Variants in ZNF730 observed in about 807,000 individuals in gnomAD.
ZNF730 encodes zinc finger protein 730, also known as putative zinc finger protein 730.
A neutral mutation model predicts 12.6 loss-of-function variants in ZNF730; 12 were observed. The ratio of observed to expected loss-of-function variants is 0.95; its 90% CI spans 0.61 to 1.54. The LOEUF (loss-of-function observed/expected upper bound fraction) is 1.54, where lower values mean the gene tolerates loss of function less well. Ranked by LOEUF, ZNF730 falls within the 40% of genes most tolerant of loss-of-function variation. The probability of loss-of-function intolerance (pLI) is 0.00; values close to 1 mark genes in which losing one functional copy is unlikely to be tolerated. For missense variants in ZNF730, 643 were observed against 583.5 expected, an observed-to-expected ratio of 1.10 and a Z score of -1.05; for synonymous variants, 194 against 195.8, an observed-to-expected ratio of 0.99 and a Z score of 0.08.
At chr19:23,104,024 T>G (rs764104224) in intron 1 of ZNF730, among the ~76,000 whole-genome samples, 1 of 151,938 alleles carries the variant, frequency 6.6e-6, no homozygotes, top group Non-Finnish European at 1.5e-5. Context: ...AAGGACAGGA[T>G]TCAGGGCCGG....
chr19:23,146,866 C>A lies in ZNF730; in HGVS notation c.*310C>A. On this transcript the variant is annotated 3_prime_UTR_variant, in exon 4 of 4. Transcript: ENST00000597761. ...TCCTTAATTCTTAACAGACATGATT[C>A]ATACCAGAGAGAAACTCTACAAACC... 1 of 679,744 alleles carries A rather than the reference C, an allele frequency of 1.5e-6. No individual in the cohort carries two copies. Among genetic ancestry groups the A allele is most frequent in the Non-Finnish European group, 2.6e-6 (1 of 387,580 alleles). The allele number at this position is 679,744 out of a possible 1,614,324, so 42.1% of individuals were successfully genotyped here.
rs1970443093 is a variant in ZNF730, at chr19:23,110,018, G to A, written c.-93-24062G>A. Among the ~76,000 whole-genome samples, 3 of 150,412 alleles carry A rather than the reference G, an allele frequency of 2.0e-5. No homozygotes were observed. The South Asian group carries it at 6.4e-4, about 32-fold the overall frequency. On this transcript the variant is annotated intron_variant, in intron 1 of 2. Coordinates refer to the ZNF730 transcript ENST00000593635. ...TTTCACTTTTGTTGCCCAGGCTAGG[G>A]TGCAGTGGTGTGATCTTGGCTCACA...
intron 1 of ZNF730, among the ~76,000 whole-genome samples, chr19:23,083,133 T>C (rs144599233): frequency 1.3e-5 from 2 of 152,190 alleles, no homozygotes; most frequent in African/African-American, 4.8e-5. Context: ...TTTAGATATA[T>C]AGGCAGTAGT....
intron 1 of ZNF730, among the ~76,000 whole-genome samples, chr19:23,099,450 T>C (rs1970303471): frequency 6.6e-6 from 1 of 152,138 alleles, no homozygotes; most frequent in Admixed American, 6.6e-5. Flanking sequence ...ACAGTAGAGA[T>C]TGTCATCTGC....
chr19:23,108,536 T>G (rs1471008139), intron 1 of ZNF730, among the ~76,000 whole-genome samples: 1 of 147,546 alleles, frequency 6.8e-6, no homozygotes, highest in African/African-American at 2.5e-5. Flanking sequence ...CTCAAATACT[T>G]TGCTAAACTG....
Position 23,146,517 on chromosome 19 carries a change from G to A in ZNF730, c.1473G>A (p.Arg491=), listed in dbSNP as rs1388001716. Residue 491 remains arginine, a synonymous_variant, in exon 4 of 4, where the codon CGG becomes CGA. Transcript: ENST00000597761. ...KCKECGKAFR[R]FSHLTRHKTI... is the part of the protein sequence containing the mutation. ...AAGAATGTGGTAAAGCCTTTAGGCG[G>A]TTCTCACACCTTACTAGGCATAAGA... 2 of 1,586,616 alleles carry A rather than the reference G, an allele frequency of 1.3e-6. No individual in the cohort carries two copies. Among genetic ancestry groups the A allele is most frequent in the Admixed American group, 1.8e-5 (1 of 55,686 alleles).
chr19:23,115,378 T>G (rs2145586134), upstream of ZNF730, among the ~76,000 whole-genome samples: 1 of 152,234 alleles, frequency 6.6e-6, no homozygotes, highest in Admixed American at 6.5e-5. Flanking sequence ...ATTGCAGAAA[T>G]TGCAGCAATT....
At chr19:23,139,648 C>G (rs192154731) in intron 3 of ZNF730, among the ~76,000 whole-genome samples, 1 of 152,238 alleles carries the variant, frequency 6.6e-6, no homozygotes, top group East Asian at 1.9e-4. Context: ...TCTCAGCCTC[C>G]CGAGTAACTG....
At chr19:23,135,715 G>A (rs1441052961) in intron 2 of ZNF730, among the ~76,000 whole-genome samples, 1 of 152,100 alleles carries the variant, frequency 6.6e-6, no homozygotes, top group African/African-American at 2.4e-5. Context: ...GTTTCACTAT[G>A]TTGGCCAGGC....
intron 1 of ZNF730, among the ~76,000 whole-genome samples, chr19:23,089,781 G>GA (rs1475094995): frequency 2.6e-5 from 4 of 151,912 alleles, no homozygotes; most frequent in South Asian, 2.1e-4. Flanking sequence ...GGGCCTTGCT[G>GA]AAAAAAAATA....
chr19:23,102,277 C>T (rs1970344420), intron 1 of ZNF730, among the ~76,000 whole-genome samples: 1 of 151,964 alleles, frequency 6.6e-6, no homozygotes, highest in Non-Finnish European at 1.5e-5. Context: ...CTGTCTGTGT[C>T]CTGCTTTCAG....
chr19:23,080,032 G>A (rs1443711773), intron 1 of ZNF730, among the ~76,000 whole-genome samples: 1 of 152,028 alleles, frequency 6.6e-6, no homozygotes. Context: ...TGCAACCTCT[G>A]CTTCCTGGGT....
At chr19:23,117,981 A>AT (rs887535996) in intron 1 of ZNF730, among the ~76,000 whole-genome samples, 53 of 150,800 alleles carry the variant, frequency 3.5e-4, no homozygotes, top group Middle Eastern at 3.2e-3. Flanking sequence ...GATCTTCTGC[A>AT]TTTTTTTTTC....
At position 23,145,491 on chromosome 19, in the gene ZNF730, A is replaced by C. The variant is rs1396434225; in HGVS notation, c.447A>C (p.Lys149Asn). The change falls in exon 4 of 4, where the codon AAA becomes AAC. Residue 149 changes from lysine to asparagine, a missense_variant. Physicochemically the swap from Lys to Asn is moderately conservative, Grantham distance 94. Transcript: ENST00000597761. ...TSHSKIFQCD[K>N]YVKVFHKFSN... ...ATAGCAAAATATTTCAGTGTGACAA[A>C]TATGTGAAAGTCTTTCATAAATTTT... The C allele has an allele frequency of 6.4e-7, 1 of 1,565,460 alleles. No homozygotes were observed. The highest frequency in any genetic ancestry group is 8.6e-7 in the Non-Finnish European group (1 of 1,156,092).
Position 23,117,075 on chromosome 19 carries a change from G to T in ZNF730, c.-99G>T, listed in dbSNP as rs1174526955. ...GCTCCAATTTTCGTCTGTCTGCTTTGTGTCCTCTGCACGTAGAAGCCCAGC... is the reference window on the plus strand; with the variant it reads ...GCTCCAATTTTCGTCTGTCTGCTTTTTGTCCTCTGCACGTAGAAGCCCAGC... On this transcript the variant is annotated 5_prime_UTR_variant, in exon 1 of 4. Coordinates refer to ENST00000597761, the MANE Select transcript of ZNF730 (RefSeq NM_001277403.2). 20 of 1,587,486 alleles carry T rather than the reference G, an allele frequency of 1.3e-5. No homozygotes were observed. Among genetic ancestry groups the T allele is most frequent in the Non-Finnish European group, 1.6e-5 (19 of 1,162,170 alleles).
At chr19:23,133,612 G>A (rs1970775846) in intron 1 of ZNF730, among the ~76,000 whole-genome samples, 2 of 152,154 alleles carry the variant, frequency 1.3e-5, no homozygotes, top group Non-Finnish European at 2.9e-5. Flanking sequence ...AAAGTGCTGG[G>A]ATTACAGGCA....
At position 23,134,221 on chromosome 19, in the gene ZNF730, A is replaced by C. The variant is rs1193775765; in HGVS notation, c.130+15A>C. 1 of 1,586,972 alleles carries C rather than the reference A, an allele frequency of 6.3e-7. No homozygotes were observed. Among genetic ancestry groups the C allele is most frequent in the Non-Finnish European group, 8.6e-7 (1 of 1,165,468 alleles). ...GGTCTTCCTGGGTGAGGATAACTTTAATATACAATTCCTAATATACCCTAT... is the reference window on the plus strand; with the variant it reads ...GGTCTTCCTGGGTGAGGATAACTTTCATATACAATTCCTAATATACCCTAT... On this transcript the variant is annotated intron_variant, in intron 2 of 3. Transcript: ENST00000597761.
intron 1 of ZNF730, among the ~76,000 whole-genome samples, chr19:23,078,084 T>C (rs1242547004): frequency 6.6e-6 from 1 of 152,098 alleles, no homozygotes; most frequent in Non-Finnish European, 1.5e-5. Context: ...GTCCAAGGTT[T>C]TTCCCCATGT....
chr19:23,107,293 G>C (rs2145560625), intron 1 of ZNF730, among the ~76,000 whole-genome samples: 1 of 151,332 alleles, frequency 6.6e-6, no homozygotes, highest in Non-Finnish European at 1.5e-5. Flanking sequence ...AAACCCCCTT[G>C]ATCTGCCCAC....
Sources: gnomAD v4.1 joint callset for allele counts (sites outside exome capture counted in the v4.1 genomes callset) on GRCh38, gnomAD v4.1.1 for gene constraint, MANE v1.5 for transcripts, NCBI Gene and HGNC (gene_info 2026-07-23, HGNC 2026-07-21) for gene names.